RASGRF2: variants seen among roughly 807,000 people sequenced by gnomAD.
RASGRF2 encodes the protein Ras protein specific guanine nucleotide releasing factor 2, also known as ras-specific guanine nucleotide-releasing factor 2.
In RASGRF2, 76 loss-of-function variants were observed where a neutral mutation model predicts 151.0. The ratio of observed to expected loss-of-function variants is 0.50; its 90% CI spans 0.42 to 0.61. RASGRF2 has a LOEUF of 0.61. Among genes scored for constraint, RASGRF2 ranks in the 20% least tolerant of loss-of-function variants. The pLI is 0.00. For missense variants in RASGRF2, 1,148 were observed against 1,564.6 expected, an observed-to-expected ratio of 0.73 and a Z score of 4.49; for synonymous variants, 504 against 566.5, an observed-to-expected ratio of 0.89 and a Z score of 1.57.
chr5:81,119,353 A>G (rs1247000002), intron 15 of RASGRF2, among the ~76,000 whole-genome samples: 6 of 152,234 alleles, frequency 3.9e-5, no homozygotes, highest in Admixed American at 3.9e-4. Flanking sequence ...AGTGGAAAGT[A>G]TCACATGGGT....
chr5:81,061,847 C>T (rs981927572), intron 2 of RASGRF2, among the ~76,000 whole-genome samples: 2 of 151,846 alleles, frequency 1.3e-5, no homozygotes, highest in African/African-American at 2.4e-5. Flanking sequence ...CCACCACACC[C>T]AGCTTATTTT....
rs1213542161 is a variant in RASGRF2, at chr5:81,109,063, T to G, written c.1823T>G (p.Val608Gly). The G allele has an allele frequency of 6.2e-7, 1 of 1,610,696 alleles. No homozygotes were observed. Among genetic ancestry groups the G allele is most frequent in the East Asian group, 2.2e-5 (1 of 44,766 alleles). The part of the protein sequence containing the change: ...IVFEENSKVT[V>G]PHMIKSDARL... ...TTTGAAGAGAATTCCAAAGTCACTG[T>G]GCCACATATGATTAAGTAAGTGTGA... Residue 608 changes from valine (V) to glycine (G), a missense_variant, in exon 13 of 27, where the codon GTG becomes GGG. This residue lies in a region of RASGRF2 where 646 missense variants were observed against 807.4 expected (regional missense o/e 0.80). Coordinates refer to ENST00000265080, the MANE Select transcript of RASGRF2 (RefSeq NM_006909.3).
At chr5:81,044,343 G>A (rs1316933036) in intron 2 of RASGRF2, among the ~76,000 whole-genome samples, 3 of 152,052 alleles carry the variant, frequency 2.0e-5, no homozygotes, top group South Asian at 4.2e-4. Flanking sequence ...GCTCAGACCT[G>A]GGAGTTGGAG....
At chr5:81,176,320 C>G (rs1754773542) in intron 17 of RASGRF2, among the ~76,000 whole-genome samples, 1 of 152,142 alleles carries the variant, frequency 6.6e-6, no homozygotes, top group Non-Finnish European at 1.5e-5. Flanking sequence ...TAGATCCACC[C>G]CCAAGAAGTC....
chr5:80,984,492 T>A (rs1284717751), intron 1 of RASGRF2, among the ~76,000 whole-genome samples: 1 of 152,262 alleles, frequency 6.6e-6, no homozygotes, highest in Non-Finnish European at 1.5e-5. Flanking sequence ...ATACTTTCCT[T>A]TGTGTTTTCT....
intron 1 of RASGRF2, among the ~76,000 whole-genome samples, chr5:80,991,245 G>A (rs1051121537): frequency 7.9e-5 from 12 of 152,130 alleles, no homozygotes; most frequent in African/African-American, 2.9e-4. Context: ...GATTGCTTAA[G>A]CCCAGGAGGT....
Position 81,229,320 on chromosome 5 carries a change from G to A in RASGRF2, c.*3550G>A, listed in dbSNP as rs1045192151. 6.6e-6 allele frequency: 1 copy of A among 152,174 alleles called. No individual in the cohort carries two copies. The highest frequency in any genetic ancestry group is 6.5e-5 in the Admixed American group (1 of 15,282). 9.4% of individuals were successfully genotyped at this position (152,174 alleles called of 1,614,324 possible). On this transcript the variant is annotated 3_prime_UTR_variant, in exon 27 of 27. Coordinates refer to ENST00000265080, the MANE Select transcript of RASGRF2 (RefSeq NM_006909.3). Reference sequence around the variant, plus strand: ...GGCTGAAGGGTATAGCCAGGCTAATGTGCACAGAGGGAATCAATAAATAAA... The same window carrying A: ...GGCTGAAGGGTATAGCCAGGCTAATATGCACAGAGGGAATCAATAAATAAA...
chr5:81,059,629 G>A (rs1045087436), intron 2 of RASGRF2, among the ~76,000 whole-genome samples: 1 of 151,886 alleles, frequency 6.6e-6, no homozygotes, highest in East Asian at 1.9e-4. Flanking sequence ...GGTGAATCAC[G>A]AGGTCATGAG....
chr5:81,026,769 C>G (rs1345545897), intron 1 of RASGRF2, among the ~76,000 whole-genome samples: 1 of 151,976 alleles, frequency 6.6e-6, no homozygotes, highest in Non-Finnish European at 1.5e-5. Context: ...AAGCAGGCAA[C>G]TTTTTGGAGG....
At chr5:81,115,605 TTTTTATTTTG>T (rs1193947706) in intron 15 of RASGRF2, among the ~76,000 whole-genome samples, 1 of 152,218 alleles carries the variant, frequency 6.6e-6, no homozygotes, top group Non-Finnish European at 1.5e-5. Flanking sequence ...TCTTTCTCTC[TTTTTATTTTG>T]TTTTATTTTG....
intron 20 of RASGRF2, 120 bp from the exon 21 acceptor site, chr5:81,207,121 TCATAG>T: frequency 1.1e-6 from 1 of 892,320 alleles, no homozygotes; most frequent in Non-Finnish European, 1.7e-6. Context: ...GCCATTTTTT[TCATAG>T]TTAGAATTTA....
chr5:81,034,807 G>GGT (rs777046746), intron 1 of RASGRF2, among the ~76,000 whole-genome samples: 6 of 128,544 alleles, frequency 4.7e-5, no homozygotes, highest in Non-Finnish European at 9.9e-5. Context: ...TGTGGGGTGG[G>GGT]AGGGGGGTAG....
intron 1 of RASGRF2, among the ~76,000 whole-genome samples, chr5:81,001,298 A>G (rs1381408227): frequency 6.6e-6 from 1 of 152,192 alleles, no homozygotes; most frequent in African/African-American, 2.4e-5. Context: ...ACTAGGAGCT[A>G]ATGAGGCTTT....
intron 17 of RASGRF2, among the ~76,000 whole-genome samples, chr5:81,167,440 T>A (rs1580374521): frequency 6.6e-6 from 1 of 152,322 alleles, no homozygotes; most frequent in Non-Finnish European, 1.5e-5. Context: ...AAATTTGCAA[T>A]CATCAATCAG....
At chr5:81,045,675 T>G (rs1009308105) in intron 2 of RASGRF2, among the ~76,000 whole-genome samples, 12 of 152,248 alleles carry the variant, frequency 7.9e-5, no homozygotes, top group Non-Finnish European at 1.3e-4. Flanking sequence ...GACCTAGGAC[T>G]GGGTTCTTTG....
At position 81,042,863 on chromosome 5, in the gene RASGRF2, C is replaced by A. The variant is rs761116603; in HGVS notation, c.289-14C>A. The stretch of plus-strand genomic sequence containing the variant: ...AAATAGAACTAAGTTTTTTGTGTTT[C>A]TTTTTCTTTCCAGTATTACTTTACT... On this transcript the variant is annotated splice_polypyrimidine_tract_variant and intron_variant, in intron 1 of 26. Coordinates refer to ENST00000265080, the MANE Select transcript of RASGRF2 (RefSeq NM_006909.3). 2 of 1,578,190 alleles carry A rather than the reference C, an allele frequency of 1.3e-6. No individual in the cohort carries two copies. Among genetic ancestry groups the A allele is most frequent in the Admixed American group, 3.5e-5 (2 of 56,916 alleles).
chr5:81,111,262 G>T (rs557345890), intron 13 of RASGRF2, among the ~76,000 whole-genome samples: 5 of 152,206 alleles, frequency 3.3e-5, no homozygotes, highest in African/African-American at 9.6e-5. Flanking sequence ...ATTGATCGCC[G>T]GTCCTGAAAT....
In RASGRF2 at chr5:81,165,071, G is replaced by T. The variant is rs532400841; in HGVS notation, c.2687-15104G>T. On this transcript the variant is annotated intron_variant, in intron 17 of 26. Coordinates refer to ENST00000265080, the MANE Select transcript of RASGRF2 (RefSeq NM_006909.3). ...CAAGGGTGGGACCCAGCGTGACCTT[G>T]CCCTTGAACGGTGGGCGTTTTCCAG... Among the ~76,000 whole-genome samples the T allele has an allele frequency of 1.6e-3, 244 of 152,316 alleles. 1 individual carries two copies. Among genetic ancestry groups the T allele is most frequent in the African/African-American group, 5.8e-3 (240 of 41,576 alleles).
At chr5:80,972,463 A>G (rs561923475) in intron 1 of RASGRF2, among the ~76,000 whole-genome samples, 42 of 151,268 alleles carry the variant, frequency 2.8e-4, no homozygotes, top group Admixed American at 1.6e-3. Flanking sequence ...TCAAGTACTT[A>G]TCAATCATTT....
Sources: gnomAD v4.1 joint callset for allele counts (sites outside exome capture counted in the v4.1 genomes callset) on GRCh38, gnomAD v4.1.1 for gene constraint, gnomAD v4.1.1 regional missense constraint, MANE v1.5 for transcripts, NCBI Gene and HGNC (gene_info 2026-07-23, HGNC 2026-07-21) for gene names.